Variants in EPB41 observed in about 807,000 individuals in gnomAD.
The protein encoded by EPB41 is erythrocyte membrane protein band 4.1, also known as protein 4.1.
A neutral mutation model predicts 108.0 loss-of-function variants in EPB41; 65 were observed. That is an observed-to-expected ratio of 0.60 (90% CI 0.49 to 0.74). The LOEUF is 0.74. Among genes scored for constraint, EPB41 ranks in the 30% least tolerant of loss-of-function variants. The pLI is 0.00. For missense variants in EPB41, 875 were observed against 1,037.0 expected (o/e 0.84, Z 2.15); for synonymous variants, 336 against 358.9 (o/e 0.94, Z 0.72).
At position 29,097,840 on chromosome 1, in the gene EPB41, T is replaced by A; in HGVS notation, c.2218T>A (p.Ser740Thr). 4 of 1,613,988 alleles carry A rather than the reference T, an allele frequency of 2.5e-6. No individual in the cohort carries two copies. The highest frequency in any genetic ancestry group is 3.4e-6 in the Non-Finnish European group (4 of 1,179,872). Residue 740 changes from serine to threonine, a missense_variant, in exon 17 of 21, where the codon TCA (serine) becomes ACA (threonine). Ser to Thr is a moderately conservative substitution (Grantham distance 58, BLOSUM62 1). Around this residue, in one of 3 missense-constraint regions of EPB41, gnomAD observed 519 missense variants for 627.3 expected, o/e 0.83. Coordinates refer to ENST00000343067, the MANE Select transcript of EPB41 (RefSeq NM_001376013.1). ...GGTGAAGACACAAACTGTCACCATC[T>A]CAGATAATGCCAATGCTGTGAAAAG... is the stretch of plus-strand genomic sequence containing the variant. ...PLVKTQTVTISDNANAVKSEI... is the reference protein window; with the variant it reads ...PLVKTQTVTITDNANAVKSEI...
In EPB41 at chr1:29,117,565, T is replaced by G. The variant is rs2151786965; in HGVS notation, c.*753T>G. On this transcript the variant is annotated 3_prime_UTR_variant, in exon 21 of 21. Coordinates refer to ENST00000343067, the MANE Select transcript of EPB41 (RefSeq NM_001376013.1). ...GGCCTTCACCTCTCCAGCTACCCTTTTACCTCATCAGAAGCAGTGGCTCAG... is the reference window on the plus strand; with the variant it reads ...GGCCTTCACCTCTCCAGCTACCCTTGTACCTCATCAGAAGCAGTGGCTCAG... 1 of 152,822 alleles carries G rather than the reference T, an allele frequency of 6.5e-6. No homozygotes were observed. The highest frequency in any genetic ancestry group is 3.4e-3 in the Middle Eastern group (1 of 294). The allele number at this position is 152,822 out of a possible 1,614,324, so 9.5% of individuals were successfully genotyped here. A position where few individuals can be genotyped will look rare whatever the true frequency, so the allele number is the denominator to read the frequency against.
chr1:29,069,476 G>T (rs1471351377), intron 16 of EPB41: 2 of 1,202,460 alleles, frequency 1.7e-6, no homozygotes, highest in East Asian at 6.7e-5. Context: ...ACCTTGGAGG[G>T]ACATTATAAA....
intron 1 of EPB41, among the ~76,000 whole-genome samples, chr1:28,935,503 A>G (rs535763803): frequency 1.7e-5 from 2 of 115,592 alleles, no homozygotes; most frequent in Admixed American, 9.9e-5. Flanking sequence ...CTAACTGCTT[A>G]TAACTGCTTA....
intron 1 of EPB41, among the ~76,000 whole-genome samples, chr1:28,929,882 G>T (rs911068985): frequency 1.6e-5 from 2 of 128,902 alleles, no homozygotes; most frequent in Non-Finnish European, 1.6e-5. Context: ...ACTTTATTGA[G>T]ATATAATTAA....
At chr1:29,070,676 A>G in intron 16 of EPB41, 2 of 1,231,546 alleles carry the variant, frequency 1.6e-6, no homozygotes, top group Non-Finnish European at 2.0e-6. Flanking sequence ...CTTGGCTTCA[A>G]CTGTGTTATT....
chr1:28,996,613 G>T (rs2096182269), intron 3 of EPB41, among the ~76,000 whole-genome samples: 1 of 152,158 alleles, frequency 6.6e-6, no homozygotes, highest in Admixed American at 6.5e-5. Flanking sequence ...TGGAGATGGG[G>T]AATATGAGAT....
intron 11 of EPB41, among the ~76,000 whole-genome samples, chr1:29,050,012 A>C (rs1383604872): frequency 1.3e-5 from 2 of 152,226 alleles, no homozygotes; most frequent in Non-Finnish European, 2.9e-5. Flanking sequence ...TATCTCAAAA[A>C]AAGCTGTTAA....
intron 1 of EPB41, among the ~76,000 whole-genome samples, chr1:28,941,678 C>G (rs2094291622): frequency 6.6e-6 from 1 of 152,128 alleles, no homozygotes; most frequent in African/African-American, 2.4e-5. Context: ...GGCGGATCAC[C>G]TGAGGTCGGG....
At chr1:29,098,762 C>T (rs1047559451) in intron 17 of EPB41, among the ~76,000 whole-genome samples, 6 of 151,538 alleles carry the variant, frequency 4.0e-5, no homozygotes, top group East Asian at 2.0e-4. Context: ...TTTTTTGAGA[C>T]GGAGTCTCAG....
At position 28,917,029 on chromosome 1, in the gene EPB41, G is replaced by A. The variant is rs116430227; in HGVS notation, c.-8+2261G>A. On this transcript the variant is annotated intron_variant, in intron 1 of 20. Transcript: ENST00000343067. Reference sequence around the variant, plus strand: ...TGGTCTTGAATTCCTGGACTCAAGAGATCCTCCTCCCTGGGCCTCCCAAAG... The same window carrying A: ...TGGTCTTGAATTCCTGGACTCAAGAAATCCTCCTCCCTGGGCCTCCCAAAG... Among the ~76,000 whole-genome samples the A allele has an allele frequency of 7.2e-3, 1,094 of 152,154 alleles. 16 individuals carry two copies. The highest frequency in any genetic ancestry group is 0.023 in the African/African-American group (944 of 41,494).
intron 19 of EPB41, among the ~76,000 whole-genome samples, chr1:29,114,980 C>T (rs146031955): frequency 2.1e-3 from 318 of 152,256 alleles, no homozygotes; most frequent in African/African-American, 6.7e-3. Flanking sequence ...TTTCCTCTCC[C>T]GTCCTGAACT....
chr1:29,050,538 G>A (rs1371521012), intron 11 of EPB41, among the ~76,000 whole-genome samples: 1 of 152,246 alleles, frequency 6.6e-6, no homozygotes, highest in East Asian at 1.9e-4. Context: ...GTCAGGTTTG[G>A]TCTGCCATCT....
At chr1:28,907,006 C>T (rs574133483) in intron 1 of EPB41, among the ~76,000 whole-genome samples, 12 of 151,780 alleles carry the variant, frequency 7.9e-5, no homozygotes, top group African/African-American at 2.7e-4. Context: ...CTCCTGACCT[C>T]ATGATCTGCC....
intron 6 of EPB41, among the ~76,000 whole-genome samples, chr1:29,016,342 AT>A (rs11362146): frequency 0.22 from 29,167 of 135,654 alleles, 3,389 homozygotes; most frequent in East Asian, 0.45. Flanking sequence ...CGCCCTGCTA[AT>A]TTTTTTTTTT....
intron 1 of EPB41, among the ~76,000 whole-genome samples, chr1:28,955,662 A>C (rs2094921536): frequency 6.6e-6 from 1 of 151,896 alleles, no homozygotes; most frequent in South Asian, 2.1e-4. Flanking sequence ...CTATTTTTCT[A>C]CTTGACTGTC....
At chr1:29,086,329 A>G (rs1299969056) in intron 16 of EPB41, among the ~76,000 whole-genome samples, 2 of 146,114 alleles carry the variant, frequency 1.4e-5, no homozygotes, top group East Asian at 4.0e-4. Flanking sequence ...GCTAGAGTGC[A>G]GTGGTGCCAT....
intron 5 of EPB41, 123 bp downstream of exon 5, chr1:29,012,030 C>A (rs763326728): frequency 1.6e-5 from 16 of 996,158 alleles, no homozygotes; most frequent in Non-Finnish European, 2.3e-5. Flanking sequence ...GCTTTGAAAT[C>A]GAGATAAAGC....
chr1:28,915,659 G>A (rs989868715), intron 1 of EPB41, among the ~76,000 whole-genome samples: 1 of 151,278 alleles, frequency 6.6e-6, no homozygotes, highest in Non-Finnish European at 1.5e-5. Context: ...CTAGTCTGTG[G>A]AGACTTGTTT....
intron 1 of EPB41, chr1:28,902,095 A>G (rs1288907804): frequency 2.3e-6 from 2 of 858,386 alleles, no homozygotes; most frequent in East Asian, 1.2e-4. Flanking sequence ...ACTGATGACT[A>G]TATGAAGCCT....
Sources: gnomAD v4.1 joint callset for allele counts (sites outside exome capture counted in the v4.1 genomes callset) on GRCh38, gnomAD v4.1.1 for gene constraint, gnomAD v4.1.1 regional missense constraint, MANE v1.5 for transcripts, NCBI Gene and HGNC (gene_info 2026-07-23, HGNC 2026-07-21) for gene names.